PRKCA: variants seen among roughly 807,000 people sequenced by gnomAD.
The protein encoded by PRKCA is protein kinase C alpha, also known as protein kinase C alpha type.
Under a neutral mutation model 87.0 loss-of-function variants are expected in PRKCA, and 27 were observed. The observed-to-expected ratio is 0.31, with a 90% CI of 0.23 to 0.43. The LOEUF is 0.43. PRKCA is among the 20% of genes least tolerant of loss of function. The probability of loss-of-function intolerance (pLI) is 1.00; values close to 1 mark genes in which losing one functional copy is unlikely to be tolerated. For missense variants in PRKCA, 518 were observed against 852.3 expected (o/e 0.61, Z 4.88); for synonymous variants, 329 against 311.1 (o/e 1.06, Z -0.61).
intron 3 of PRKCA, among the ~76,000 whole-genome samples, chr17:66,518,819 C>T (rs576525014): frequency 2.3e-4 from 35 of 152,310 alleles, no homozygotes; most frequent in African/African-American, 8.4e-4. Context: ...TCCTCATTCT[C>T]TTTCCTGTGT....
At chr17:66,480,998 A>G (rs540876299) in intron 2 of PRKCA, among the ~76,000 whole-genome samples, 7 of 152,026 alleles carry the variant, frequency 4.6e-5, no homozygotes, top group African/African-American at 1.2e-4. Context: ...ATAATTTTAC[A>G]TAGGTGTTAC....
chr17:66,481,799 C>T (rs966222744), intron 2 of PRKCA, among the ~76,000 whole-genome samples: 2 of 152,078 alleles, frequency 1.3e-5, no homozygotes, highest in African/African-American at 2.4e-5. Flanking sequence ...AAACATACAA[C>T]TCTATTTTGA....
intron 13 of PRKCA, among the ~76,000 whole-genome samples, chr17:66,753,426 A>G (rs141008946): frequency 1.4e-3 from 219 of 152,278 alleles, no homozygotes; most frequent in African/African-American, 4.9e-3. Flanking sequence ...GCAGTTAGAC[A>G]TGCAGGTTGG....
chr17:66,376,233 CT>C (rs1385007170), intron 2 of PRKCA, among the ~76,000 whole-genome samples: 1 of 152,144 alleles, frequency 6.6e-6, no homozygotes, highest in Non-Finnish European at 1.5e-5. Flanking sequence ...AGAAGGCCCC[CT>C]GGCACAGTAG....
chr17:66,615,084 T>C (rs1970480391), intron 3 of PRKCA, among the ~76,000 whole-genome samples: 1 of 152,122 alleles, frequency 6.6e-6, no homozygotes, highest in Non-Finnish European at 1.5e-5. Context: ...CCCAAATGGC[T>C]GTGTAGCTCC....
In PRKCA at chr17:66,689,622, A is replaced by C. The variant is rs926144285; in HGVS notation, c.918+575A>C. Among the ~76,000 whole-genome samples the C allele has an allele frequency of 2.6e-5, 4 of 151,756 alleles. No individual in the cohort carries two copies. Among genetic ancestry groups the C allele is most frequent in the Non-Finnish European group, 5.9e-5 (4 of 67,954 alleles). ...GTATTTGTGTTTGCCTCTGTCCCGG[A>C]TTCACTGGTCTTTTTACTTCTCCTC... is the stretch of plus-strand genomic sequence containing the variant. On this transcript the variant is annotated intron_variant, in intron 8 of 16. Transcript: ENST00000413366. This position sits in a 1 kb window ranked among gnomAD's most constrained non-coding sequence, Gnocchi z 4.1.
intron 3 of PRKCA, among the ~76,000 whole-genome samples, chr17:66,561,232 A>G (rs1209389518): frequency 6.6e-6 from 1 of 152,260 alleles, no homozygotes; most frequent in African/African-American, 2.4e-5. Context: ...GTCAAAATTA[A>G]TGAAAGATCT....
In PRKCA at chr17:66,528,519, A is replaced by T. The variant is rs1296431086; in HGVS notation, c.288+32236A>T. On this transcript the variant is annotated intron_variant, in intron 3 of 16. Transcript: ENST00000413366. The stretch of plus-strand genomic sequence containing the variant: ...AACTCACAAAAGGATGCAGAAGCAG[A>T]GTTGGGAGGGTTGCCCTTCAAACAT... Among the ~76,000 whole-genome samples the T allele has an allele frequency of 2.6e-5, 4 of 152,266 alleles. No individual in the cohort carries two copies. In the South Asian group the frequency reaches 8.3e-4, roughly 32 times the overall value.
chr17:66,623,676 G>A (rs967485176), intron 3 of PRKCA, among the ~76,000 whole-genome samples: 6 of 152,304 alleles, frequency 3.9e-5, no homozygotes, highest in South Asian at 2.1e-4. Flanking sequence ...TAAAGAAAAA[G>A]TTGAATTTAA....
At position 66,806,039 on chromosome 17, in the gene PRKCA, G is replaced by C. The variant is rs1336748655; in HGVS notation, c.*2002G>C. The stretch of plus-strand genomic sequence containing the variant: ...GGCTGCGGACTTTCTTCCAGCCATT[G>C]TGGCATTGGCCTTTCCAGTCTTGGG... On this transcript the variant is annotated 3_prime_UTR_variant, in exon 17 of 17. Transcript: ENST00000413366. 3.3e-5 allele frequency: 5 copies of C among 152,308 alleles called. No individual in the cohort carries two copies. 9.4% of individuals were successfully genotyped at this position (152,308 alleles called of 1,614,324 possible). A position where few individuals can be genotyped will look rare whatever the true frequency, so the allele number is the denominator to read the frequency against.
chr17:66,501,344 C>T (rs529471284), intron 3 of PRKCA, among the ~76,000 whole-genome samples: 1 of 152,180 alleles, frequency 6.6e-6, no homozygotes, highest in Admixed American at 6.5e-5. Context: ...GCCAATTTCT[C>T]AAGGGTCCTC....
At chr17:66,662,180 G>T (rs1971925102) in intron 5 of PRKCA, among the ~76,000 whole-genome samples, 1 of 152,142 alleles carries the variant, frequency 6.6e-6, no homozygotes, top group Admixed American at 6.5e-5. Context: ...TGTGTCTCCT[G>T]CTTGGTTTGT....
At chr17:66,572,341 C>T (rs1463238133) in intron 3 of PRKCA, among the ~76,000 whole-genome samples, 1 of 152,050 alleles carries the variant, frequency 6.6e-6, no homozygotes, top group African/African-American at 2.4e-5. Context: ...GTGGTGGGCA[C>T]CTGTAATCCC....
intron 8 of PRKCA, among the ~76,000 whole-genome samples, chr17:66,711,275 T>C (rs1973320992): frequency 6.6e-6 from 1 of 152,240 alleles, no homozygotes; most frequent in Non-Finnish European, 1.5e-5. Context: ...TGCATTAGCA[T>C]GCAATCAGTA....
chr17:66,364,416 A>C (rs572890643), intron 2 of PRKCA: 1 of 152,336 alleles, frequency 6.6e-6, no homozygotes, highest in East Asian at 1.9e-4. Context: ...CCAGAGGCAT[A>C]AAACCAAAGG....
chr17:66,612,466 T>C (rs76201407), intron 3 of PRKCA, among the ~76,000 whole-genome samples: 2,445 of 151,974 alleles, frequency 0.016, 25 homozygotes, highest in South Asian at 0.034. Flanking sequence ...GATTGACTTA[T>C]AGTTCCATGT....
chr17:66,596,091 G>A (rs1173182799), intron 3 of PRKCA, among the ~76,000 whole-genome samples: 1 of 152,144 alleles, frequency 6.6e-6, no homozygotes, highest in Non-Finnish European at 1.5e-5. Context: ...CGGCTAGCAC[G>A]TTGTCAGCAA....
chr17:66,337,381 T>C (rs1906764513), intron 2 of PRKCA, among the ~76,000 whole-genome samples: 1 of 152,112 alleles, frequency 6.6e-6, no homozygotes, highest in Non-Finnish European at 1.5e-5. Flanking sequence ...AGGTAAGTAT[T>C]GTTTGTGGTA....
intron 13 of PRKCA, among the ~76,000 whole-genome samples, chr17:66,747,202 T>C (rs1461699901): frequency 6.6e-6 from 1 of 152,200 alleles, no homozygotes; most frequent in Non-Finnish European, 1.5e-5. Context: ...CTTGGGTAAC[T>C]GGGACTACAG....
Sources: gnomAD v4.1 joint callset for allele counts (sites outside exome capture counted in the v4.1 genomes callset) on GRCh38, gnomAD v4.1.1 for gene constraint, Gnocchi (gnomAD v3.1) non-coding constraint, MANE v1.5 for transcripts, NCBI Gene and HGNC (gene_info 2026-07-23, HGNC 2026-07-21) for gene names.